The following CCDC62 variants were observed in gnomAD, a reference collection of about 807,000 sequenced individuals.
CCDC62 encodes the protein coiled-coil domain containing 62.
CCDC62 carries 72 observed loss-of-function variants against 80.8 expected under a neutral mutation model. The ratio of observed to expected loss-of-function variants is 0.89; its 90% CI spans 0.74 to 1.08. The LOEUF is 1.08. CCDC62 is among the 50% of genes least tolerant of loss of function. The pLI is 0.00. For synonymous variants in CCDC62, 286 were observed against 296.5 expected (o/e 0.96, Z 0.36); for missense variants, 704 against 809.4 (o/e 0.87, Z 1.58).
At chr12:122,807,639 T>G (rs77970074) in intron 10 of CCDC62, among the ~76,000 whole-genome samples, 6,585 of 152,058 alleles carry the variant, frequency 0.043, 261 homozygotes, top group East Asian at 0.23. Flanking sequence ...CACAAGGCAC[T>G]GTACCTGGCC....
At chr12:122,809,890 A>C (rs2031793770) in intron 10 of CCDC62, among the ~76,000 whole-genome samples, 1 of 152,130 alleles carries the variant, frequency 6.6e-6, no homozygotes, top group Admixed American at 6.6e-5. Context: ...CTGATCTTTG[A>C]CAAACCTGAC....
chr12:122,806,762 G>T (rs2135569524), intron 10 of CCDC62, among the ~76,000 whole-genome samples: 1 of 149,170 alleles, frequency 6.7e-6, no homozygotes, highest in Admixed American at 6.7e-5. Context: ...GATTATAAGT[G>T]TGAATCACCG....
intron 4 of CCDC62, among the ~76,000 whole-genome samples, chr12:122,786,853 G>A (rs927231576): frequency 3.3e-5 from 5 of 152,056 alleles, no homozygotes; most frequent in Admixed American, 2.0e-4. Context: ...CCAGCTACTC[G>A]GGAGGCTGAG....
At chr12:122,782,213 G>T (rs1236428727) in intron 3 of CCDC62, among the ~76,000 whole-genome samples, 1 of 151,890 alleles carries the variant, frequency 6.6e-6, no homozygotes, top group Non-Finnish European at 1.5e-5. Flanking sequence ...AAATGCATAC[G>T]TGTGTGTACG....
intron 2 of CCDC62, among the ~76,000 whole-genome samples, chr12:122,780,924 G>T (rs1566067904): frequency 6.6e-6 from 1 of 152,170 alleles, no homozygotes; most frequent in East Asian, 1.9e-4. Flanking sequence ...CAGGGTCATG[G>T]TTGGGAACGC....
chr12:122,811,475 T>C (rs1393729957), intron 10 of CCDC62, among the ~76,000 whole-genome samples: 6 of 148,776 alleles, frequency 4.0e-5, no homozygotes, highest in Non-Finnish European at 8.9e-5. Context: ...CCTCCCAAAG[T>C]GCTGGGATTA....
chr12:122,791,421 G>A (rs752797952), intron 5 of CCDC62, among the ~76,000 whole-genome samples: 1 of 151,674 alleles, frequency 6.6e-6, no homozygotes, highest in South Asian at 2.1e-4. Context: ...TTACAGGTGT[G>A]AGCCACTGCA....
rs377411960 is a variant in CCDC62 at position 122,805,888 on chromosome 12, C to T, written c.1707-263C>T. The stretch of plus-strand genomic sequence containing the variant: ...CAGGACAGTCCTGATCTCCTGACCT[C>T]GTGATCCACCCAGATCAGCCTCCCA... On this transcript the variant is annotated intron_variant, in intron 9 of 12. Transcript: ENST00000253079. 4.6e-5 allele frequency among the ~76,000 whole-genome samples: 7 copies of T among 152,148 alleles called. No individual in the cohort carries two copies. The South Asian group carries it at 1.2e-3, about 27-fold the overall frequency.
At chr12:122,788,671 A>G (rs2030414159) in intron 4 of CCDC62, 87 bp from the exon 5 acceptor site, 1 of 817,270 alleles carries the variant, frequency 1.2e-6, no homozygotes, top group Non-Finnish European at 1.9e-6. Context: ...GGAACCTGGC[A>G]CACGATAAGA....
intron 11 of CCDC62, among the ~76,000 whole-genome samples, chr12:122,821,170 C>T (rs1024801555): frequency 1.3e-5 from 2 of 152,078 alleles, no homozygotes; most frequent in Non-Finnish European, 2.9e-5. Context: ...TTAGAGTTGC[C>T]GATGCTTAAC....
At chr12:122,786,285 C>T (rs912903662) in intron 4 of CCDC62, among the ~76,000 whole-genome samples, 2 of 150,300 alleles carry the variant, frequency 1.3e-5, no homozygotes, top group African/African-American at 4.9e-5. Context: ...GTAGCTGGGA[C>T]TACAGGCGCC....
chr12:122,824,285 G>A (rs1350856357), intron 12 of CCDC62, among the ~76,000 whole-genome samples: 2 of 151,874 alleles, frequency 1.3e-5, no homozygotes, highest in African/African-American at 4.8e-5. Flanking sequence ...GCATGGTGGC[G>A]GGCACCTGTA....
At chr12:122,792,219 TTTG>T in intron 6 of CCDC62, 98 bp downstream of exon 6, 1 of 608,246 alleles carries the variant, frequency 1.6e-6, no homozygotes. Flanking sequence ...TTTTTTTTTT[TTTG>T]AGACAGGGTC....
Position 122,820,645 on chromosome 12 carries a change from A to G in CCDC62, c.2002-2721A>G, listed in dbSNP as rs576627157. Among the ~76,000 whole-genome samples, 34 of 152,182 alleles carry G rather than the reference A, an allele frequency of 2.2e-4. 1 individual carries two copies. The highest frequency in any genetic ancestry group is 8.2e-4 in the African/African-American group (34 of 41,534). On this transcript the variant is annotated intron_variant, in intron 11 of 12. Transcript: ENST00000253079. ...GATCACCTGAGGGCAGGAGTTCCAG[A>G]CCAGCCTAGCCAACAAGGTAAAACC...
At chr12:122,797,947 G>A (rs758195314) in intron 7 of CCDC62, 138 bp from the exon 8 acceptor site, 7 of 601,494 alleles carry the variant, frequency 1.2e-5, no homozygotes, top group Non-Finnish European at 2.1e-5. Context: ...ATTAAAAGCA[G>A]ACATATTTAG....
intron 4 of CCDC62, among the ~76,000 whole-genome samples, chr12:122,786,142 G>T (rs1219763008): frequency 6.6e-6 from 1 of 151,744 alleles, no homozygotes; most frequent in Non-Finnish European, 1.5e-5. Flanking sequence ...TGCTTGAGAG[G>T]TTTTTTTTGT....
At chr12:122,803,890 A>C (rs1020656697) in intron 9 of CCDC62, among the ~76,000 whole-genome samples, 1 of 152,180 alleles carries the variant, frequency 6.6e-6, no homozygotes, top group Non-Finnish European at 1.5e-5. Flanking sequence ...TTAACGTATG[A>C]AATAAGTTCA....
chr12:122,782,443 A>G (rs1038424655), intron 3 of CCDC62, among the ~76,000 whole-genome samples: 4 of 152,124 alleles, frequency 2.6e-5, no homozygotes, highest in East Asian at 3.9e-4. Flanking sequence ...GGTAGCCTCA[A>G]TGATGTTTTC....
At chr12:122,805,492 T>A (rs1045337935) in intron 9 of CCDC62, among the ~76,000 whole-genome samples, 1 of 140,574 alleles carries the variant, frequency 7.1e-6, no homozygotes, top group South Asian at 2.3e-4. Flanking sequence ...TACAGGCACA[T>A]GCCACCACAC....
Sources: gnomAD v4.1 joint callset for allele counts (sites outside exome capture counted in the v4.1 genomes callset) on GRCh38, gnomAD v4.1.1 for gene constraint, MANE v1.5 for transcripts, NCBI Gene and HGNC (gene_info 2026-07-23, HGNC 2026-07-21) for gene names.